Variants in NELL2 observed in about 807,000 individuals in gnomAD.
The protein encoded by NELL2 is neural EGFL like 2, also known as protein kinase C-binding protein NELL2.
Under a neutral mutation model 109.6 loss-of-function variants are expected in NELL2, and 41 were observed. That is an observed-to-expected ratio of 0.37 (90% CI 0.29 to 0.49). The LOEUF is 0.49. NELL2 is among the 20% of genes least tolerant of loss of function. NELL2 has a pLI of 0.98. For missense variants in NELL2, 900 were observed against 1,008.3 expected, an observed-to-expected ratio of 0.89 and a Z score of 1.45; for synonymous variants, 355 against 344.7, an observed-to-expected ratio of 1.03 and a Z score of -0.33.
Position 44,654,471 on chromosome 12 carries a change from C to T in NELL2, c.1444+11013G>A, listed in dbSNP as rs901524249. 3.9e-5 allele frequency among the ~76,000 whole-genome samples: 6 copies of T among 152,288 alleles called. No individual in the cohort carries two copies. In the East Asian group the frequency reaches 7.7e-4, roughly 20 times the overall value. The stretch of plus-strand genomic sequence containing the variant: ...TGATATCTATCTCCTGCTAGCCATA[C>T]CTTTGTGTAATCCCCTTCGGTTTAG... On this transcript the variant is annotated intron_variant, in intron 13 of 19. Coordinates refer to ENST00000429094, the MANE Select transcript of NELL2 (RefSeq NM_001145108.2).
rs913009002 is a variant in NELL2 at position 44,653,665 on chromosome 12, AC to A, written c.1444+11818del. ...ATGGAGTTCCAAGAACACCAACAAA[AC>A]CTTCTGCCTTCTTTGGAATGTAATA... On this transcript the variant is annotated intron_variant, in intron 13 of 19. Transcript: ENST00000429094. Among the ~76,000 whole-genome samples, 6 of 152,298 alleles carry A rather than the reference AC, an allele frequency of 3.9e-5. No individual in the cohort carries two copies. The South Asian group carries it at 6.2e-4, about 16-fold the overall frequency.
At chr12:44,625,715 T>C (rs923684124) in intron 13 of NELL2, among the ~76,000 whole-genome samples, 1 of 152,262 alleles carries the variant, frequency 6.6e-6, no homozygotes, top group African/African-American at 2.4e-5. Flanking sequence ...TGTATGTCAT[T>C]AGATTTAAAC....
chr12:44,656,041 AG>A (rs1566098036), intron 13 of NELL2, among the ~76,000 whole-genome samples: 1 of 152,208 alleles, frequency 6.6e-6, no homozygotes, highest in Non-Finnish European at 1.5e-5. Context: ...GCCAGATGGT[AG>A]GATTGTCTGA....
At chr12:44,579,987 T>C (rs1944264855) in intron 15 of NELL2, among the ~76,000 whole-genome samples, 1 of 149,442 alleles carries the variant, frequency 6.7e-6, no homozygotes, top group South Asian at 2.1e-4. Context: ...ATTTTATGGG[T>C]TTTTATATAC....
At chr12:44,868,539 C>T (rs185459151) in intron 2 of NELL2, among the ~76,000 whole-genome samples, 1 of 152,270 alleles carries the variant, frequency 6.6e-6, no homozygotes, top group African/African-American at 2.4e-5. Context: ...TATATGTACA[C>T]AATGGAATAC....
chr12:44,854,389 T>A (rs1312707756), intron 2 of NELL2, among the ~76,000 whole-genome samples: 1 of 152,148 alleles, frequency 6.6e-6, no homozygotes, highest in African/African-American at 2.4e-5. Context: ...ATTAGAACAA[T>A]CCAAGATGCT....
intron 12 of NELL2, among the ~76,000 whole-genome samples, chr12:44,703,504 T>C (rs1937673500): frequency 6.6e-6 from 1 of 152,222 alleles, no homozygotes; most frequent in Non-Finnish European, 1.5e-5. Flanking sequence ...ATTGTTCTAA[T>C]TCAAGAAACC....
At chr12:44,891,071 CA>C (rs1459880398) in intron 1 of NELL2, among the ~76,000 whole-genome samples, 3 of 152,166 alleles carry the variant, frequency 2.0e-5, no homozygotes, top group African/African-American at 7.2e-5. Flanking sequence ...GTGGAAAAGG[CA>C]CCTTCTCTAT....
intron 13 of NELL2, among the ~76,000 whole-genome samples, chr12:44,653,960 C>G (rs922789947): frequency 4.6e-5 from 7 of 152,176 alleles, no homozygotes; most frequent in African/African-American, 1.7e-4. Context: ...ACAACCTACT[C>G]TTCCTGCTTC....
At chr12:44,680,234 A>G (rs768306481) in intron 12 of NELL2, among the ~76,000 whole-genome samples, 8 of 152,122 alleles carry the variant, frequency 5.3e-5, no homozygotes, top group Non-Finnish European at 7.4e-5. Flanking sequence ...CCAATTTCCA[A>G]TTGCTTGCTT....
chr12:44,768,813 C>G (rs549036185), intron 9 of NELL2, among the ~76,000 whole-genome samples: 1 of 152,130 alleles, frequency 6.6e-6, no homozygotes, highest in Admixed American at 6.5e-5. Context: ...TTCATGTGGC[C>G]CCTCGTGTCT....
At chr12:44,659,334 A>C (rs1024045966) in intron 13 of NELL2, among the ~76,000 whole-genome samples, 1 of 152,232 alleles carries the variant, frequency 6.6e-6, no homozygotes, top group Non-Finnish European at 1.5e-5. Flanking sequence ...ACAAAAGCCA[A>C]AATTGACAAA....
chr12:44,899,138 C>T (rs1278772554), intron 1 of NELL2, among the ~76,000 whole-genome samples: 7 of 152,052 alleles, frequency 4.6e-5, no homozygotes, highest in African/African-American at 1.7e-4. Context: ...CTACATTTGA[C>T]TGGTGTACTT....
chr12:44,509,013 C>G lies in NELL2; in HGVS notation c.2401-29G>C, dbSNP rs759408161. The G allele has an allele frequency of 4.4e-6, 7 of 1,593,670 alleles. No homozygotes were observed. In the South Asian group the frequency reaches 7.8e-5, roughly 18 times the overall value. Reference sequence around the variant, plus strand: ...GATTTAAAAAAAGTAGAAAGAAAAACAGTATGAATTTTTAAGCCATTAGTA... The same window carrying G: ...GATTTAAAAAAAGTAGAAAGAAAAAGAGTATGAATTTTTAAGCCATTAGTA... On this transcript the variant is annotated intron_variant, in intron 19 of 19. Coordinates refer to ENST00000429094, the MANE Select transcript of NELL2 (RefSeq NM_001145108.2).
intron 1 of NELL2, among the ~76,000 whole-genome samples, chr12:44,884,178 A>G (rs942184766): frequency 2.6e-5 from 4 of 151,920 alleles, no homozygotes; most frequent in Admixed American, 6.5e-5. Flanking sequence ...GTTGAATGTC[A>G]TATGTGAATG....
intron 5 of NELL2, among the ~76,000 whole-genome samples, chr12:44,778,812 A>G (rs931001369): frequency 6.6e-6 from 1 of 152,240 alleles, no homozygotes; most frequent in Non-Finnish European, 1.5e-5. Context: ...ATGGAATCAT[A>G]TATTTCAAGT....
At chr12:44,672,124 A>G (rs1249685455) in intron 12 of NELL2, among the ~76,000 whole-genome samples, 1 of 152,196 alleles carries the variant, frequency 6.6e-6, no homozygotes, top group East Asian at 1.9e-4. Context: ...TCCCAGCTGG[A>G]GCAAACGTTA....
chr12:44,773,477 A>AG (rs896667717), intron 9 of NELL2, among the ~76,000 whole-genome samples: 2 of 152,180 alleles, frequency 1.3e-5, no homozygotes, highest in African/African-American at 4.8e-5. Context: ...CTCCGTCTCA[A>AG]GAAAAAAAAA....
chr12:44,767,678 G>A (rs7489102), intron 9 of NELL2, among the ~76,000 whole-genome samples: 34,176 of 151,962 alleles, frequency 0.22, 4,063 homozygotes, highest in South Asian at 0.28. Flanking sequence ...TATATAGTGG[G>A]ATAATATGCA....
Sources: gnomAD v4.1 joint callset for allele counts (sites outside exome capture counted in the v4.1 genomes callset) on GRCh38, gnomAD v4.1.1 for gene constraint, MANE v1.5 for transcripts, NCBI Gene and HGNC (gene_info 2026-07-23, HGNC 2026-07-21) for gene names.